Variants in SNTB1 observed in about 807,000 individuals in gnomAD.
The protein encoded by SNTB1 is syntrophin beta 1.
Under a neutral mutation model 48.9 loss-of-function variants are expected in SNTB1, and 36 were observed. The observed-to-expected ratio is 0.74, with a 90% CI of 0.56 to 0.97. The LOEUF (loss-of-function observed/expected upper bound fraction) is 0.97, where lower values mean the gene tolerates loss of function less well. SNTB1 is among the 50% of genes least tolerant of loss of function. SNTB1 has a pLI of 0.00. For synonymous variants in SNTB1, 299 were observed against 294.6 expected, an observed-to-expected ratio of 1.01 and a Z score of -0.15; for missense variants, 786 against 703.4, an observed-to-expected ratio of 1.12 and a Z score of -1.33.
intron 3 of SNTB1, among the ~76,000 whole-genome samples, chr8:120,610,375 C>A (rs1816601036): frequency 6.6e-6 from 1 of 152,158 alleles, no homozygotes; most frequent in Non-Finnish European, 1.5e-5. Flanking sequence ...GACCTCAGAT[C>A]CTCCCGCCTC....
At chr8:120,727,253 T>C (rs982225828) in intron 1 of SNTB1, among the ~76,000 whole-genome samples, 4 of 152,188 alleles carry the variant, frequency 2.6e-5, no homozygotes, top group Non-Finnish European at 5.9e-5. Flanking sequence ...GTGCCAGAAC[T>C]GAGCTGAGGT....
intron 1 of SNTB1, among the ~76,000 whole-genome samples, chr8:120,801,644 C>T (rs539612839): frequency 4.6e-5 from 7 of 151,902 alleles, no homozygotes; most frequent in East Asian, 1.9e-4. Context: ...TCAAACTGTC[C>T]GATTTTTTCA....
chr8:120,628,362 G>C (rs1816919606), intron 3 of SNTB1, among the ~76,000 whole-genome samples: 1 of 152,182 alleles, frequency 6.6e-6, no homozygotes, highest in Non-Finnish European at 1.5e-5. Flanking sequence ...AAGAAATAAA[G>C]ATTGGGAAAA....
intron 2 of SNTB1, among the ~76,000 whole-genome samples, chr8:120,665,721 A>G (rs1817663774): frequency 6.6e-6 from 1 of 152,200 alleles, no homozygotes; most frequent in South Asian, 2.1e-4. Flanking sequence ...GGTTGATGAT[A>G]CATTTGAAGG....
At chr8:120,611,822 G>GAAA (rs397892337) in intron 3 of SNTB1, among the ~76,000 whole-genome samples, 18 of 58,446 alleles carry the variant, frequency 3.1e-4, no homozygotes, top group African/African-American at 6.4e-4. Flanking sequence ...ACTCTGTCTC[G>GAAA]AAAAAAAAAA....
In SNTB1 at chr8:120,670,819, T is replaced by G. The variant is rs1157027308; in HGVS notation, c.788+22873A>C. ...CCTAGCAGCTCTTCATCATTCGGAG[T>G]AGATGGACACAATGTTCTTTCCATT... On this transcript the variant is annotated intron_variant, in intron 2 of 6. Coordinates refer to ENST00000517992, the MANE Select transcript of SNTB1 (RefSeq NM_021021.4). Among the ~76,000 whole-genome samples, 4 of 152,238 alleles carry G rather than the reference T, an allele frequency of 2.6e-5. No homozygotes were observed. The South Asian group carries it at 6.2e-4, about 24-fold the overall frequency.
At chr8:120,730,218 G>A (rs919334405) in intron 1 of SNTB1, among the ~76,000 whole-genome samples, 1 of 152,006 alleles carries the variant, frequency 6.6e-6, no homozygotes, top group Non-Finnish European at 1.5e-5. Flanking sequence ...GAGTGCAGTG[G>A]CACAAATCTC....
chr8:120,630,467 A>C (rs1816961152), intron 3 of SNTB1, among the ~76,000 whole-genome samples: 1 of 152,176 alleles, frequency 6.6e-6, no homozygotes, highest in Non-Finnish European at 1.5e-5. Context: ...TGGTTTCCCA[A>C]ACCTTGGCTA....
chr8:120,545,114 T>C (rs1476792252), intron 5 of SNTB1, among the ~76,000 whole-genome samples: 2 of 151,910 alleles, frequency 1.3e-5, no homozygotes, highest in Non-Finnish European at 2.9e-5. Context: ...GAGGCCGAGG[T>C]GGGTGGATCA....
chr8:120,687,048 C>T (rs1441250361), intron 2 of SNTB1, among the ~76,000 whole-genome samples: 1 of 152,080 alleles, frequency 6.6e-6, no homozygotes, highest in Non-Finnish European at 1.5e-5. Flanking sequence ...AATCTTCATT[C>T]TCGATGCACT....
intron 1 of SNTB1, among the ~76,000 whole-genome samples, chr8:120,789,243 C>T (rs1235583819): frequency 3.3e-5 from 5 of 151,720 alleles, no homozygotes; most frequent in Admixed American, 1.3e-4. Flanking sequence ...TAGCAAAAGG[C>T]GTGCTAAGAA....
chr8:120,631,353 T>C (rs114488120), intron 3 of SNTB1, among the ~76,000 whole-genome samples: 1,969 of 152,264 alleles, frequency 0.013, 51 homozygotes, highest in African/African-American at 0.044. Flanking sequence ...CTTTGAGAGA[T>C]AGGACAATAC....
intron 1 of SNTB1, among the ~76,000 whole-genome samples, chr8:120,732,267 C>A (rs996137382): frequency 3.3e-5 from 5 of 152,112 alleles, no homozygotes; most frequent in African/African-American, 1.2e-4. Context: ...ATTGAACAAC[C>A]AAGAGGAAGC....
intron 3 of SNTB1, among the ~76,000 whole-genome samples, chr8:120,603,803 G>A (rs969468506): frequency 6.6e-6 from 1 of 152,148 alleles, no homozygotes; most frequent in Non-Finnish European, 1.5e-5. Flanking sequence ...CTAATATTCA[G>A]TTCATGATCA....
At chr8:120,592,731 G>A (rs919759289) in intron 3 of SNTB1, among the ~76,000 whole-genome samples, 3 of 152,068 alleles carry the variant, frequency 2.0e-5, no homozygotes, top group East Asian at 1.9e-4. Flanking sequence ...TATCATAAAT[G>A]GTGGTAACTG....
chr8:120,655,013 T>C (rs536061736), intron 2 of SNTB1: 4 of 455,858 alleles, frequency 8.8e-6, no homozygotes, highest in Non-Finnish European at 1.8e-5. Flanking sequence ...CTTCAGTTCC[T>C]CAAATCTGTG....
At chr8:120,594,906 A>C (rs7827513) in intron 3 of SNTB1, among the ~76,000 whole-genome samples, 69,928 of 151,702 alleles carry the variant, frequency 0.46, 18,800 homozygotes, top group Non-Finnish European at 0.63. Context: ...TGATGGTTGC[A>C]CAACAATGCA....
At chr8:120,809,025 T>C (rs1425371974) in intron 1 of SNTB1, among the ~76,000 whole-genome samples, 1 of 152,282 alleles carries the variant, frequency 6.6e-6, no homozygotes, top group East Asian at 1.9e-4. Context: ...CACACTGCAT[T>C]TCAGAATACG....
intron 4 of SNTB1, among the ~76,000 whole-genome samples, chr8:120,562,228 A>G (rs1470127947): frequency 2.0e-5 from 3 of 152,186 alleles, no homozygotes; most frequent in East Asian, 1.9e-4. Context: ...TGCTATCTCA[A>G]TCAGTCCTAT....
Sources: allele counts gnomAD v4.1 joint callset (sites outside exome capture counted in the v4.1 genomes callset), GRCh38; gene constraint gnomAD v4.1.1; transcripts MANE v1.5; gene names NCBI Gene and HGNC (gene_info 2026-07-23, HGNC 2026-07-21).